The following TMEM176B variants were observed in gnomAD, a reference collection of about 807,000 sequenced individuals.
The protein encoded by TMEM176B is LR8-like protein.
Under a neutral mutation model 30.3 loss-of-function variants are expected in TMEM176B, and 28 were observed. The observed-to-expected ratio is 0.92, with a 90% CI of 0.68 to 1.27. The LOEUF (loss-of-function observed/expected upper bound fraction) is 1.27. Ranked by LOEUF, TMEM176B falls within the 50% of genes most tolerant of loss-of-function variation. TMEM176B has a pLI of 0.00. For missense variants in TMEM176B, 349 were observed against 327.4 expected, an observed-to-expected ratio of 1.07 and a Z score of -0.51; for synonymous variants, 123 against 130.3, an observed-to-expected ratio of 0.94 and a Z score of 0.38.
chr7:150,795,253 T>G (rs530623291), intron 2 of TMEM176B, among the ~76,000 whole-genome samples: 2 of 152,328 alleles, frequency 1.3e-5, no homozygotes, highest in South Asian at 4.1e-4. Context: ...ACTCCTCACC[T>G]GGTCGTTCAA....
Position 150,791,492 on chromosome 7 carries a change from G to A in TMEM176B, c.*39C>T, listed in dbSNP as rs1158126860. On this transcript the variant is annotated 3_prime_UTR_variant, in exon 7 of 7. Transcript: ENST00000326442. ...GGAGTGGGGGCCCTGGGCTGCCCTA[G>A]ACAGGGACATGCGGGCACCCCGTGG... 2 of 1,581,730 alleles carry A rather than the reference G, an allele frequency of 1.3e-6. No homozygotes were observed. Among genetic ancestry groups the A allele is most frequent in the Non-Finnish European group, 1.7e-6 (2 of 1,153,298 alleles).
chr7:150,796,595 AG>A, intron 1 of TMEM176B, 21 bp from the exon 2 acceptor site: 1 of 1,611,940 alleles, frequency 6.2e-7, no homozygotes. Context: ...GAAGACATAT[AG>A]CAGTGAGGTC....
chr7:150,796,166 C>T (rs538289870), intron 2 of TMEM176B, among the ~76,000 whole-genome samples, 200 bp downstream of exon 2: 1 of 152,286 alleles, frequency 6.6e-6, no homozygotes, highest in Admixed American at 6.5e-5. Context: ...CAATATGTAA[C>T]ATTTCTCCTT....
At position 150,791,438 on chromosome 7, in the gene TMEM176B, G is replaced by T. The variant is rs933442124; in HGVS notation, c.*93C>A. On this transcript the variant is annotated 3_prime_UTR_variant, in exon 7 of 7. Transcript: ENST00000326442. ...AGAAAGGAGGAGGGTCTGGAGAGCG[G>T]CCATAGGGGAGGCAAGTGTGAGGAG... The T allele has an allele frequency of 3.0e-5, 30 of 998,198 alleles. No homozygotes were observed. In the African/African-American group the frequency reaches 4.4e-4, roughly 15 times the overall value. The allele number at this position is 998,198 out of a possible 1,614,324, so 61.8% of individuals were successfully genotyped here.
At position 150,792,173 on chromosome 7, in the gene TMEM176B, C is replaced by T; in HGVS notation, c.603G>A (p.Lys201=). The stretch of plus-strand genomic sequence containing the variant: ...ACAGGGCACGGATTGCTGTGAACAA[C>T]TTCTGGAGATAAGGGAAGAACAAAG... ...ECRAYMQMLR[K]LFTAIRALFL... The change falls in exon 6 of 7, where the codon AAG becomes AAA. Residue 201 remains lysine, a splice_region_variant and synonymous_variant. Coordinates refer to ENST00000326442, the MANE Select transcript of TMEM176B (RefSeq NM_001101312.2). The T allele has an allele frequency of 1.9e-6, 3 of 1,613,492 alleles. No individual in the cohort carries two copies. The highest frequency in any genetic ancestry group is 2.2e-5 in the East Asian group (1 of 44,846).
At position 150,792,167 on chromosome 7, in the gene TMEM176B, G is replaced by T. The variant is rs1563028911; in HGVS notation, c.609C>A (p.Phe203Leu). The change falls in exon 6 of 7, where the codon TTC (phenylalanine) becomes TTA (leucine). Residue 203 changes from phenylalanine to leucine, a missense_variant. Coordinates refer to ENST00000326442, the MANE Select transcript of TMEM176B (RefSeq NM_001101312.2). The part of the protein sequence containing the change: ...RAYMQMLRKL[F>L]TAIRALFLAV... ...CCAGGAACAGGGCACGGATTGCTGT[G>T]AACAACTTCTGGAGATAAGGGAAGA... 3 of 1,613,592 alleles carry T rather than the reference G, an allele frequency of 1.9e-6. No homozygotes were observed. The highest frequency in any genetic ancestry group is 2.2e-5 in the South Asian group (2 of 91,018).
Position 150,791,628 on chromosome 7 carries a change from A to G in TMEM176B, c.721-5T>C, listed in dbSNP as rs1270154774. 1.2e-6 allele frequency: 2 copies of G among 1,609,640 alleles called. No homozygotes were observed. The highest frequency in any genetic ancestry group is 1.7e-6 in the Non-Finnish European group (2 of 1,177,276). On this transcript the variant is annotated splice_polypyrimidine_tract_variant and splice_region_variant and intron_variant, in intron 6 of 6. Transcript: ENST00000326442. ...CTTCTCTGATCCTTCCTCATTCTGG[A>G]AAAAAAAGAAAAAAGAAATCCTTAG...
chr7:150,796,348 G>C lies in TMEM176B; in HGVS notation c.204+18C>G, dbSNP rs750643132. On this transcript the variant is annotated intron_variant, in intron 2 of 6. Transcript: ENST00000326442. Reference sequence around the variant, plus strand: ...CCTCGTTAACGTGCCCCCCAACCCCGCACCACCCCAGTCTTACCCCTAGAG... The same window carrying C: ...CCTCGTTAACGTGCCCCCCAACCCCCCACCACCCCAGTCTTACCCCTAGAG... 1 of 1,610,904 alleles carries C rather than the reference G, an allele frequency of 6.2e-7. No homozygotes were observed. The highest frequency in any genetic ancestry group is 8.5e-7 in the Non-Finnish European group (1 of 1,177,412).
intron 1 of TMEM176B, among the ~76,000 whole-genome samples, chr7:150,799,097 A>G (rs1345116854): frequency 3.3e-5 from 5 of 152,112 alleles, no homozygotes; most frequent in African/African-American, 1.2e-4. Context: ...GACCATCTGG[A>G]ATTTGGGAGC....
chr7:150,794,344 C>G (rs1437154635), intron 2 of TMEM176B, among the ~76,000 whole-genome samples: 2 of 151,962 alleles, frequency 1.3e-5, no homozygotes, highest in African/African-American at 2.4e-5. Flanking sequence ...CCTGAAGATT[C>G]CCACTTTTCC....
intron 4 of TMEM176B, 27 bp downstream of exon 4, chr7:150,793,517 G>C (rs1466559308): frequency 6.2e-7 from 1 of 1,611,514 alleles, no homozygotes. Context: ...CAGTGAACAA[G>C]GTGGAGAGAG....
chr7:150,801,323 G>T, upstream of TMEM176B: 1 of 491,136 alleles, frequency 2.0e-6, no homozygotes, highest in Non-Finnish European at 3.5e-6. Context: ...GGAGGTTCCC[G>T]CAGGCTCTGT....
At position 150,796,619 on chromosome 7, in the gene TMEM176B, G is replaced by A. The variant is rs200886325; in HGVS notation, c.-5-45C>T. ...TAGCAGTGAGGTCTGGGAACTAGGC[G>A]AGGGAAAAATACACAGCACAGGTGA... On this transcript the variant is annotated intron_variant, in intron 1 of 6. Transcript: ENST00000326442. The A allele has an allele frequency of 4.9e-5, 77 of 1,587,314 alleles. No individual in the cohort carries two copies. The East Asian group carries it at 1.0e-3, about 21-fold the overall frequency.
rs147896491 is a variant in TMEM176B, at chr7:150,798,697, C to T, written c.-6+1601G>A. Among the ~76,000 whole-genome samples the T allele has an allele frequency of 3.0e-3, 462 of 152,262 alleles. 4 individuals are homozygous for T. The highest frequency in any genetic ancestry group is 8.3e-3 in the African/African-American group (343 of 41,536). ...AAAGTGCTGCAATTACAGGTGTGAG[C>T]CACCACGCCTGGCCCATAGTTCTCT... On this transcript the variant is annotated intron_variant, in intron 1 of 6. Transcript: ENST00000326442.
intron 2 of TMEM176B, among the ~76,000 whole-genome samples, chr7:150,795,128 A>G (rs1171290803): frequency 6.6e-6 from 1 of 152,124 alleles, no homozygotes; most frequent in Non-Finnish European, 1.5e-5. Context: ...TTCTGCTATG[A>G]TTATGTGAGT....
rs1798423000 is a variant in TMEM176B, at chr7:150,794,018, G to A, written c.258C>T (p.Ser86=). ...CACTCAGCACAGTCCAGGGCCCCAA[G>A]CTGAGACACACTCCAAGAACACAAC... ...VVSCVLGVCL[S]LGPWTVLSAS... is the part of the protein sequence containing the mutation. The change falls in exon 3 of 7, where the codon AGC becomes AGT. Residue 86 remains serine (S), a synonymous_variant. Transcript: ENST00000326442. The A allele has an allele frequency of 6.2e-7, 1 of 1,613,980 alleles. No individual in the cohort carries two copies. The highest frequency in any genetic ancestry group is 8.5e-7 in the Non-Finnish European group (1 of 1,179,914).
chr7:150,791,308 C>A lies in TMEM176B; in HGVS notation c.*223G>T. The A allele has an allele frequency of 4.3e-6, 2 of 460,480 alleles. No homozygotes were observed. Among genetic ancestry groups the A allele is most frequent in the Non-Finnish European group, 7.7e-6 (2 of 259,566 alleles). 28.5% of individuals were successfully genotyped at this position (460,480 alleles called of 1,614,324 possible). A position where few individuals can be genotyped will look rare whatever the true frequency, so the allele number is the denominator to read the frequency against. ...TATCTTTCTGGGCAAAACTGCTTTT[C>A]TGGATTGTTTATTATGTTTAATCAG... On this transcript the variant is annotated 3_prime_UTR_variant, in exon 7 of 7. Coordinates refer to ENST00000326442, the MANE Select transcript of TMEM176B (RefSeq NM_001101312.2).
chr7:150,799,261 C>T (rs965924251), intron 1 of TMEM176B, among the ~76,000 whole-genome samples: 13 of 152,224 alleles, frequency 8.5e-5, no homozygotes, highest in African/African-American at 3.1e-4. Flanking sequence ...AATGAAGTTC[C>T]CCTAGGAATG....
rs373657332 is a variant in TMEM176B, at chr7:150,796,535, G to A, written c.35C>T (p.Ala12Val). 54 of 1,614,070 alleles carry A rather than the reference G, an allele frequency of 3.3e-5. No homozygotes were observed. The highest frequency in any genetic ancestry group is 4.6e-5 in the Non-Finnish European group (54 of 1,180,054). ...GGGCTGGGATGGCCTAGAGGCCATA[G>A]CAACTCCATTCACAATCACCGTGTT... Reference protein sequence around the residue: ...TQNTVIVNGVAMASRPSQPTH... With the variant: ...TQNTVIVNGVVMASRPSQPTH... The change falls in exon 2 of 7, where the codon GCT (alanine) becomes GTT (valine). Residue 12 changes from alanine (A) to valine (V), a missense_variant. By Grantham distance (64) the Ala-to-Val change is moderately conservative. Coordinates refer to ENST00000326442, the MANE Select transcript of TMEM176B (RefSeq NM_001101312.2).
Sources: gnomAD v4.1 joint callset for allele counts (sites outside exome capture counted in the v4.1 genomes callset) on GRCh38, gnomAD v4.1.1 for gene constraint, MANE v1.5 for transcripts, NCBI Gene and HGNC (gene_info 2026-07-23, HGNC 2026-07-21) for gene names.